The following KIF2C variants were observed in gnomAD, a reference collection of about 807,000 sequenced individuals.
KIF2C encodes kinesin family member 2C, also known as kinesin-like protein KIF2C.
Under a neutral mutation model 97.4 loss-of-function variants are expected in KIF2C, and 34 were observed. That is an observed-to-expected ratio of 0.35 (90% CI 0.27 to 0.46). The LOEUF (loss-of-function observed/expected upper bound fraction) is 0.46. KIF2C is among the 20% of genes least tolerant of loss of function. The pLI is 1.00. For synonymous variants in KIF2C, 313 were observed against 318.2 expected (o/e 0.98, Z 0.17); for missense variants, 750 against 907.6 (o/e 0.83, Z 2.23).
intron 7 of KIF2C, among the ~76,000 whole-genome samples, chr1:44,754,329 GCTGA>G (rs1428622406): frequency 6.6e-6 from 1 of 152,128 alleles, no homozygotes; most frequent in Non-Finnish European, 1.5e-5. Flanking sequence ...AACATTTCAT[GCTGA>G]CTGTCTAGTA....
chr1:44,758,932 G>C (rs1012194138), intron 13 of KIF2C: 13 of 440,632 alleles, frequency 3.0e-5, no homozygotes, highest in African/African-American at 2.6e-4. Context: ...AGCACTACCT[G>C]TCTCACCTTT....
chr1:44,742,716 C>T (rs1648995441), intron 2 of KIF2C, among the ~76,000 whole-genome samples: 1 of 106,830 alleles, frequency 9.4e-6, no homozygotes, highest in African/African-American at 3.2e-5. Flanking sequence ...GAAACTTCGT[C>T]TCAAAAAAAA....
intron 4 of KIF2C, among the ~76,000 whole-genome samples, chr1:44,748,707 ATTTTTTT>A (rs928683142): frequency 4.9e-5 from 6 of 123,120 alleles, no homozygotes; most frequent in Non-Finnish European, 6.7e-5. Context: ...CACCTGGCTA[ATTTTTTT>A]TTTTTTTTTT....
chr1:44,748,065 G>A (rs1233120301), intron 4 of KIF2C, among the ~76,000 whole-genome samples: 1 of 152,222 alleles, frequency 6.6e-6, no homozygotes, highest in African/African-American at 2.4e-5. Context: ...GGAGACACTA[G>A]GCCTGTGGGT....
At chr1:44,743,618 C>T (rs1649040741) in intron 2 of KIF2C, among the ~76,000 whole-genome samples, 1 of 152,096 alleles carries the variant, frequency 6.6e-6, no homozygotes, top group Admixed American at 6.6e-5. Flanking sequence ...AGCAAGACCT[C>T]ATCTCTACTA....
At position 44,755,993 on chromosome 1, in the gene KIF2C, G is replaced by A. The variant is rs781180654; in HGVS notation, c.814+10G>A. On this transcript the variant is annotated intron_variant, in intron 9 of 20. Transcript: ENST00000372224. The stretch of plus-strand genomic sequence containing the variant: ...CCACTGAATAAGCAAGGTAAGTCCT[G>A]TTCAGTCAGGAAGAGGCTTCAGACT... 12 of 1,614,096 alleles carry A rather than the reference G, an allele frequency of 7.4e-6. No individual in the cohort carries two copies. The South Asian group carries it at 1.3e-4, about 18-fold the overall frequency.
chr1:44,758,170 T>C (rs1649942232), intron 13 of KIF2C, 30 bp downstream of exon 13: 1 of 1,590,452 alleles, frequency 6.3e-7, no homozygotes, highest in Admixed American at 1.7e-5. Context: ...TTGTTTACAC[T>C]GTTGGGGCCC....
At chr1:44,764,776 T>C (rs1004871080) in intron 19 of KIF2C, among the ~76,000 whole-genome samples, 2 of 152,154 alleles carry the variant, frequency 1.3e-5, no homozygotes, top group African/African-American at 4.8e-5. Flanking sequence ...CCCAAAGTGC[T>C]GGGATTACAG....
At position 44,756,187 on chromosome 1, in the gene KIF2C, C is replaced by T. The variant is rs1649819292; in HGVS notation, c.927C>T (p.Phe309=). The T allele has an allele frequency of 6.2e-7, 1 of 1,614,116 alleles. No individual in the cohort carries two copies. The highest frequency in any genetic ancestry group is 8.5e-7 in the Non-Finnish European group (1 of 1,180,044). Residue 309 remains phenylalanine (F), a synonymous_variant, in exon 10 of 21, where the codon TTC becomes TTT. Transcript: ENST00000372224. ...DLTKYLENQA[F]CFDFAFDETA... is the part of the protein sequence containing the mutation. ...CAAAGTATCTGGAGAACCAAGCATTCTGCTTTGACTTTGCATTTGATGAAA... is the reference window on the plus strand; with the variant it reads ...CAAAGTATCTGGAGAACCAAGCATTTTGCTTTGACTTTGCATTTGATGAAA...
chr1:44,760,289 G>A lies in KIF2C; in HGVS notation c.1377G>A (p.Gly459=). 1 of 1,613,990 alleles carries A rather than the reference G, an allele frequency of 6.2e-7. No individual in the cohort carries two copies. The highest frequency in any genetic ancestry group is 8.5e-7 in the Non-Finnish European group (1 of 1,180,014). Residue 459 remains glycine, a synonymous_variant, in exon 15 of 21, where the codon GGG becomes GGA. Transcript: ENST00000372224. The surrounding 1 kb of genome is among the most constrained non-coding windows in gnomAD (Gnocchi z 4.2). ...CCTTTCTTTACCACAGAACCTCTGG[G>A]CAGACATTTGCCAACTCCAATTCCT... ...IDMGSACRTS[G]QTFANSNSSR...
intron 13 of KIF2C, chr1:44,758,985 G>A (rs1029408414): frequency 5.4e-6 from 3 of 558,518 alleles, no homozygotes; most frequent in Non-Finnish European, 6.4e-6. Context: ...ACTTGCCCAG[G>A]CTCACACAGC....
At chr1:44,742,913 GC>G (rs1649008789) in intron 2 of KIF2C, among the ~76,000 whole-genome samples, 2 of 152,292 alleles carry the variant, frequency 1.3e-5, no homozygotes, top group South Asian at 4.1e-4. Flanking sequence ...GTGATGAATG[GC>G]ACAGATGAGC....
intron 2 of KIF2C, among the ~76,000 whole-genome samples, chr1:44,747,021 G>A (rs1193955047): frequency 1.3e-5 from 2 of 151,022 alleles, no homozygotes; most frequent in African/African-American, 2.4e-5. Context: ...CCTCAGCCTC[G>A]GGGGGGCCAG....
chr1:44,755,374 T>G (rs1279839406), intron 8 of KIF2C, among the ~76,000 whole-genome samples: 1 of 152,230 alleles, frequency 6.6e-6, no homozygotes. Context: ...TAAGTGATTC[T>G]CCTGCCTCAG....
Position 44,753,846 on chromosome 1 carries a change from G to T in KIF2C, c.663+13G>T. 1 of 1,545,566 alleles carries T rather than the reference G, an allele frequency of 6.5e-7. No individual in the cohort carries two copies. The highest frequency in any genetic ancestry group is 1.2e-5 in the South Asian group (1 of 85,566). On this transcript the variant is annotated intron_variant, in intron 7 of 20. Coordinates refer to ENST00000372224, the MANE Select transcript of KIF2C (RefSeq NM_006845.4). ...GAAGAGAGCTCAGGTACCTTTCTTG[G>T]GAGACTAGGGTAAGGGTTTTTGGAC...
Position 44,754,857 on chromosome 1 carries a change from C to T in KIF2C, c.759+12C>T. On this transcript the variant is annotated intron_variant, in intron 8 of 20. Coordinates refer to ENST00000372224, the MANE Select transcript of KIF2C (RefSeq NM_006845.4). Reference sequence around the variant, plus strand: ...CTATGACTGATCCTGTAAGTACATCCAAAGAACTTCTCTTTCTTAAGTGTA... The same window carrying T: ...CTATGACTGATCCTGTAAGTACATCTAAAGAACTTCTCTTTCTTAAGTGTA... The T allele has an allele frequency of 1.4e-6, 2 of 1,475,322 alleles. No individual in the cohort carries two copies. Among genetic ancestry groups the T allele is most frequent in the South Asian group, 1.1e-5 (1 of 87,926 alleles). 91.4% of individuals were successfully genotyped at this position (1,475,322 alleles called of 1,614,324 possible).
chr1:44,756,700 C>T (rs1436511267), intron 10 of KIF2C, among the ~76,000 whole-genome samples: 1 of 150,580 alleles, frequency 6.6e-6, no homozygotes, highest in African/African-American at 2.4e-5. Flanking sequence ...TTACAGGCGC[C>T]TGCCATCACA....
At chr1:44,761,719 T>G (rs1247523561) in intron 16 of KIF2C, among the ~76,000 whole-genome samples, 197 bp from the exon 17 acceptor site, 3 of 152,190 alleles carry the variant, frequency 2.0e-5, no homozygotes, top group Admixed American at 2.0e-4. Context: ...AGGAAACCAA[T>G]GTCTGAGGCA....
intron 2 of KIF2C, among the ~76,000 whole-genome samples, chr1:44,745,597 C>T (rs1649154134): frequency 6.7e-6 from 1 of 150,030 alleles, no homozygotes; most frequent in African/African-American, 2.5e-5. Flanking sequence ...CCTCAGCCTC[C>T]CGAGTAGCTG....
Sources: allele counts gnomAD v4.1 joint callset (sites outside exome capture counted in the v4.1 genomes callset), GRCh38; gene constraint gnomAD v4.1.1; non-coding constraint Gnocchi (gnomAD v3.1); transcripts MANE v1.5; gene names NCBI Gene and HGNC (gene_info 2026-07-23, HGNC 2026-07-21).